PCDHAC2: variants seen among roughly 807,000 people sequenced by gnomAD.
PCDHAC2 encodes the protein protocadherin alpha subfamily C, 2.
A neutral mutation model predicts 63.3 loss-of-function variants in PCDHAC2; 24 were observed. The observed-to-expected ratio is 0.38, with a 90% CI of 0.27 to 0.53. PCDHAC2 has a LOEUF of 0.53. PCDHAC2 is among the 20% of genes least tolerant of loss of function. The pLI is 0.81. For missense variants in PCDHAC2, 1,181 were observed against 1,275.2 expected, an observed-to-expected ratio of 0.93 and a Z score of 1.12; for synonymous variants, 569 against 529.4, an observed-to-expected ratio of 1.07 and a Z score of -1.03.
At chr5:140,998,903 G>C (rs1465203456) in intron 3 of PCDHAC2, among the ~76,000 whole-genome samples, 1 of 152,156 alleles carries the variant, frequency 6.6e-6, no homozygotes, top group East Asian at 1.9e-4. Context: ...CAATGCCTCC[G>C]GGAGGTAGCT....
intron 3 of PCDHAC2, among the ~76,000 whole-genome samples, chr5:140,999,024 T>C (rs17119348): frequency 0.023 from 3,497 of 152,332 alleles, 138 homozygotes; most frequent in African/African-American, 0.08. Context: ...CCAAGACTTT[T>C]GATACTTCGT....
chr5:140,996,799 T>C (rs1372599057), intron 3 of PCDHAC2, among the ~76,000 whole-genome samples: 3 of 152,306 alleles, frequency 2.0e-5, no homozygotes, highest in African/African-American at 7.2e-5. Context: ...CTACATCCAA[T>C]CATGCTTTCC....
At chr5:141,006,837 TG>T (rs1477008780) in intron 3 of PCDHAC2, among the ~76,000 whole-genome samples, 2 of 152,186 alleles carry the variant, frequency 1.3e-5, no homozygotes, top group African/African-American at 4.8e-5. Context: ...TGTAATTTAC[TG>T]AAACTGGAAA....
intron 3 of PCDHAC2, among the ~76,000 whole-genome samples, chr5:141,007,395 C>CAAAAAAAAAAAA (rs35800918): frequency 6.3e-5 from 6 of 94,866 alleles, no homozygotes; most frequent in Admixed American, 1.2e-4. Flanking sequence ...TACTAAAATA[C>CAAAAAAAAAAAA]AAAAAAAAAA....
intron 3 of PCDHAC2, among the ~76,000 whole-genome samples, chr5:141,006,017 G>A (rs139294218): frequency 1.3e-5 from 2 of 151,190 alleles, no homozygotes; most frequent in African/African-American, 4.8e-5. Context: ...TATGGTTGGA[G>A]TATAATAGTA....
chr5:140,980,455 C>T (rs1412427414), intron 2 of PCDHAC2, among the ~76,000 whole-genome samples: 1 of 152,086 alleles, frequency 6.6e-6, no homozygotes, highest in African/African-American at 2.4e-5. Context: ...CACGGTGAAA[C>T]CCTGTCTCTA....
intron 2 of PCDHAC2, among the ~76,000 whole-genome samples, chr5:140,980,777 A>C (rs2096905451): frequency 6.6e-6 from 1 of 152,244 alleles, no homozygotes; most frequent in Non-Finnish European, 1.5e-5. Flanking sequence ...ATTGAAATTA[A>C]AATGCCATTT....
chr5:140,986,114 T>A (rs1465954606), intron 3 of PCDHAC2, among the ~76,000 whole-genome samples: 1 of 152,168 alleles, frequency 6.6e-6, no homozygotes, highest in Non-Finnish European at 1.5e-5. Flanking sequence ...AAGATAAAGA[T>A]GCCACACTCT....
chr5:140,968,014 A>G lies in PCDHAC2; in HGVS notation c.1248A>G (p.Gly416=). The G allele has an allele frequency of 6.2e-7, 1 of 1,614,194 alleles. No individual in the cohort carries two copies. The highest frequency in any genetic ancestry group is 8.5e-7 in the Non-Finnish European group (1 of 1,180,036). The part of the protein sequence containing the change: ...ATLPFRLNGF[G]NSYTLVVSGP... ...TGCCTTTCCGACTGAATGGCTTTGG[A>G]AACTCCTATACACTGGTGGTGAGCG... Residue 416 remains glycine (G), a synonymous_variant, in exon 1 of 4, where the codon GGA becomes GGG. Coordinates refer to ENST00000289269, the MANE Select transcript of PCDHAC2 (RefSeq NM_018899.6).
At chr5:140,988,545 T>C (rs1164667441) in intron 3 of PCDHAC2, among the ~76,000 whole-genome samples, 1 of 152,150 alleles carries the variant, frequency 6.6e-6, no homozygotes, top group African/African-American at 2.4e-5. Context: ...ATTCATGACT[T>C]TCTTCATCTT....
In PCDHAC2 at chr5:141,010,929, T is replaced by G. The variant is rs782088449; in HGVS notation, c.*992T>G. 1 of 153,778 alleles carries G rather than the reference T, an allele frequency of 6.5e-6. No homozygotes were observed. Among genetic ancestry groups the G allele is most frequent in the Non-Finnish European group, 1.5e-5 (1 of 68,048 alleles). 9.5% of individuals were successfully genotyped at this position (153,778 alleles called of 1,614,324 possible). A position where few individuals can be genotyped will look rare whatever the true frequency, so the allele number is the denominator to read the frequency against. ...AAACTCTCCTCAAAAGAGAATTCAG[T>G]CTACAGCCATTTAAATGATCATTGC... On this transcript the variant is annotated 3_prime_UTR_variant, in exon 4 of 4. Transcript: ENST00000289269.
intron 3 of PCDHAC2, among the ~76,000 whole-genome samples, chr5:141,004,826 G>A (rs2098183640): frequency 6.6e-6 from 1 of 152,112 alleles, no homozygotes; most frequent in East Asian, 1.9e-4. Flanking sequence ...GATTAACTTA[G>A]ATAGATCAAA....
rs781848948 is a variant in PCDHAC2 at position 140,967,042 on chromosome 5, G to A, written c.276G>A (p.Leu92=). The stretch of plus-strand genomic sequence containing the variant: ...CGCCCAGTCCGCGCTACCTGGAGCT[G>A]GACCTGACGAGTGGAGCGCTCTTCG... ...LGAPSPRYLE[L]DLTSGALFVN... Residue 92 remains leucine (L), a synonymous_variant, in exon 1 of 4, where the codon CTG becomes CTA. Coordinates refer to ENST00000289269, the MANE Select transcript of PCDHAC2 (RefSeq NM_018899.6). 1 of 1,611,904 alleles carries A rather than the reference G, an allele frequency of 6.2e-7. No homozygotes were observed. The highest frequency in any genetic ancestry group is 1.7e-5 in the Admixed American group (1 of 59,984).
chr5:140,973,863 T>C (rs868937124), intron 1 of PCDHAC2, among the ~76,000 whole-genome samples: 1 of 152,224 alleles, frequency 6.6e-6, no homozygotes. Context: ...TTGCTCTCAA[T>C]GAGAGGTCAG....
chr5:140,985,830 C>T (rs1446445717), intron 3 of PCDHAC2, among the ~76,000 whole-genome samples: 2 of 149,758 alleles, frequency 1.3e-5, no homozygotes, highest in Non-Finnish European at 3.0e-5. Flanking sequence ...AGCTCTGCCT[C>T]CCGGGTTCAT....
At chr5:140,985,783 A>G (rs1587112463) in intron 3 of PCDHAC2, among the ~76,000 whole-genome samples, 1 of 125,324 alleles carries the variant, frequency 8.0e-6, no homozygotes, top group Non-Finnish European at 1.6e-5. Context: ...TCTGTCGCCC[A>G]GGCTGGAGTG....
intron 3 of PCDHAC2, 100 bp from the exon 4 acceptor site, chr5:141,009,527 G>A: frequency 6.6e-7 from 1 of 1,507,930 alleles, no homozygotes; most frequent in South Asian, 1.4e-5. Context: ...TTTCTGGGGA[G>A]GTTCAGCCTG....
At chr5:140,984,790 G>A (rs2097121430) in intron 3 of PCDHAC2, among the ~76,000 whole-genome samples, 1 of 152,104 alleles carries the variant, frequency 6.6e-6, no homozygotes, top group Admixed American at 6.5e-5. Flanking sequence ...GGTGAGCATA[G>A]ACAAACTGCC....
At position 140,969,244 on chromosome 5, in the gene PCDHAC2, G is replaced by C; in HGVS notation, c.2478G>C (p.Val826=). ...GPGPSGAQAA[V]TDSRNLTGQS... ...GGCCTTCGGGAGCCCAAGCAGCAGT[G>C]ACTGACAGCAGGAATCTCACAGGCC... Residue 826 remains valine, a synonymous_variant, in exon 1 of 4, where the codon GTG becomes GTC. Coordinates refer to ENST00000289269, the MANE Select transcript of PCDHAC2 (RefSeq NM_018899.6). The C allele has an allele frequency of 6.2e-7, 1 of 1,614,206 alleles. No individual in the cohort carries two copies. Among genetic ancestry groups the C allele is most frequent in the Non-Finnish European group, 8.5e-7 (1 of 1,180,046 alleles).
Sources: gnomAD v4.1 joint callset for allele counts (sites outside exome capture counted in the v4.1 genomes callset) on GRCh38, gnomAD v4.1.1 for gene constraint, MANE v1.5 for transcripts, NCBI Gene and HGNC (gene_info 2026-07-23, HGNC 2026-07-21) for gene names.